The following GATAD2B variants were observed in gnomAD, a reference collection of about 807,000 sequenced individuals.
GATAD2B encodes transcriptional repressor p66-beta.
GATAD2B carries 8 observed loss-of-function variants against 64.3 expected under a neutral mutation model. The ratio of observed to expected loss-of-function variants is 0.12; its 90% CI spans 0.07 to 0.22. GATAD2B has a LOEUF of 0.22. Among genes scored for constraint, GATAD2B ranks in the 10% least tolerant of loss-of-function variants. The pLI, the probability that GATAD2B is intolerant of heterozygous loss-of-function variation, is 1.00. For synonymous variants in GATAD2B, 281 were observed against 271.3 expected (o/e 1.04, Z -0.35); for missense variants, 453 against 752.0 (o/e 0.60, Z 4.65).
chr1:153,901,756 G>A (rs1027356896), intron 1 of GATAD2B, among the ~76,000 whole-genome samples: 3 of 149,050 alleles, frequency 2.0e-5, no homozygotes, highest in African/African-American at 4.9e-5. Context: ...CCCAGGAGGT[G>A]GAGGCTGCAG....
intron 1 of GATAD2B, among the ~76,000 whole-genome samples, chr1:153,889,472 A>C (rs1012705066): frequency 6.6e-6 from 1 of 151,664 alleles, no homozygotes; most frequent in Non-Finnish European, 1.5e-5. Context: ...TATATTTATA[A>C]ATCACTCTGG....
In GATAD2B at chr1:153,839,664, G is replaced by C. The variant is rs369564490; in HGVS notation, c.-1-11316C>G. Reference sequence around the variant, plus strand: ...AGTCCTAGTATTTAACACATAAAAAGTAAGTTTAAAAAACTGTTTTGAAGG... The same window carrying C: ...AGTCCTAGTATTTAACACATAAAAACTAAGTTTAAAAAACTGTTTTGAAGG... On this transcript the variant is annotated intron_variant, in intron 1 of 10. Coordinates refer to ENST00000368655, the MANE Select transcript of GATAD2B (RefSeq NM_020699.4). 4.6e-5 allele frequency among the ~76,000 whole-genome samples: 7 copies of C among 152,232 alleles called. No individual in the cohort carries two copies. In the East Asian group the frequency reaches 1.4e-3, roughly 29 times the overall value.
chr1:153,847,952 C>G (rs553695132), intron 1 of GATAD2B, among the ~76,000 whole-genome samples: 1 of 152,324 alleles, frequency 6.6e-6, no homozygotes, highest in South Asian at 2.1e-4. Context: ...TTAGAATCAT[C>G]TGAGTAACTG....
In GATAD2B at chr1:153,818,780, G is replaced by A; in HGVS notation, c.597+11C>T. 2 of 1,612,050 alleles carry A rather than the reference G, an allele frequency of 1.2e-6. No homozygotes were observed. Among genetic ancestry groups the A allele is most frequent in the Non-Finnish European group, 1.7e-6 (2 of 1,179,562 alleles). ...CCTTTCCCTTAGTCCCTTATTTCTA[G>A]GGCACATTACCTTCTGGACCACATT... On this transcript the variant is annotated intron_variant, in intron 4 of 10. Transcript: ENST00000368655.
chr1:153,852,486 G>A (rs1284692813), intron 1 of GATAD2B: 3 of 760,956 alleles, frequency 3.9e-6, no homozygotes, highest in East Asian at 2.5e-5. Context: ...AAGAGTACGT[G>A]ACTCGATGTG....
At chr1:153,852,500 T>TG in intron 1 of GATAD2B, 1 of 764,562 alleles carries the variant, frequency 1.3e-6, no homozygotes, top group Non-Finnish European at 2.4e-6. Context: ...CGATGTGCTC[T>TG]GCACAGTGGG....
chr1:153,827,425 GA>G, intron 2 of GATAD2B: 1 of 152,840 alleles, frequency 6.5e-6, no homozygotes, highest in Non-Finnish European at 1.5e-5. Flanking sequence ...AAAGACACCA[GA>G]AAAAAAGGCC....
chr1:153,843,581 T>A (rs1675574138), intron 1 of GATAD2B, among the ~76,000 whole-genome samples: 1 of 152,076 alleles, frequency 6.6e-6, no homozygotes, highest in Admixed American at 6.6e-5. Flanking sequence ...AGCCTTCAAT[T>A]TTTTATATTT....
chr1:153,811,962 T>C (rs1674306858), intron 9 of GATAD2B, 60 bp downstream of exon 9: 1 of 1,308,816 alleles, frequency 7.6e-7, no homozygotes, highest in Non-Finnish European at 1.1e-6. Flanking sequence ...AAAGGACAAA[T>C]TGTGATAAAT....
chr1:153,845,670 A>T (rs1464834822), intron 1 of GATAD2B, among the ~76,000 whole-genome samples: 1 of 151,824 alleles, frequency 6.6e-6, no homozygotes, highest in Non-Finnish European at 1.5e-5. Flanking sequence ...GTGAGGTGGG[A>T]GGACTGCTTG....
intron 3 of GATAD2B, 72 bp from the exon 4 acceptor site, chr1:153,818,994 T>C: frequency 6.7e-7 from 1 of 1,487,128 alleles, no homozygotes; most frequent in Non-Finnish European, 9.2e-7. Context: ...AGACAATCTT[T>C]ACTTCTTAGC....
At chr1:153,857,901 G>A (rs1676148458) in intron 1 of GATAD2B, among the ~76,000 whole-genome samples, 1 of 152,160 alleles carries the variant, frequency 6.6e-6, no homozygotes, top group Non-Finnish European at 1.5e-5. Context: ...CATTGAAGAG[G>A]TCAAGTGAAG....
intron 1 of GATAD2B, among the ~76,000 whole-genome samples, chr1:153,845,754 T>C (rs956830685): frequency 6.6e-6 from 1 of 151,682 alleles, no homozygotes; most frequent in Non-Finnish European, 1.5e-5. Context: ...CAAGACTCTA[T>C]CTCAAAAAAA....
chr1:153,858,891 C>T (rs1445552922), intron 1 of GATAD2B, among the ~76,000 whole-genome samples: 1 of 151,784 alleles, frequency 6.6e-6, no homozygotes, highest in Admixed American at 6.6e-5. Context: ...TCAGGAAAGT[C>T]CTGTCAGAAA....
At chr1:153,917,917 A>G (rs542040602) in intron 1 of GATAD2B, among the ~76,000 whole-genome samples, 12 of 152,230 alleles carry the variant, frequency 7.9e-5, no homozygotes, top group Non-Finnish European at 1.8e-4. Context: ...AATTTTAAAG[A>G]AAGGAAGGAT....
intron 1 of GATAD2B, among the ~76,000 whole-genome samples, chr1:153,891,301 T>C (rs1438640910): frequency 6.9e-6 from 1 of 145,738 alleles, no homozygotes; most frequent in African/African-American, 2.5e-5. Context: ...GGAGTGGTGG[T>C]TCATGCCAGT....
In GATAD2B at chr1:153,914,464, G is replaced by A. The variant is rs537228642; in HGVS notation, c.-2+8269C>T. Among the ~76,000 whole-genome samples, 7 of 152,240 alleles carry A rather than the reference G, an allele frequency of 4.6e-5. No homozygotes were observed. The East Asian group carries it at 7.7e-4, about 17-fold the overall frequency. On this transcript the variant is annotated intron_variant, in intron 1 of 10. Coordinates refer to ENST00000368655, the MANE Select transcript of GATAD2B (RefSeq NM_020699.4). ...GTGACTCAACCAAGGTCACACAGAT[G>A]GTAAATGGCAGAACCAAGGCTCCAA...
At chr1:153,846,186 T>C (rs1675681741) in intron 1 of GATAD2B, among the ~76,000 whole-genome samples, 1 of 152,174 alleles carries the variant, frequency 6.6e-6, no homozygotes, top group African/African-American at 2.4e-5. Context: ...TATTTAGTTT[T>C]ATTTCTACCA....
At chr1:153,819,769 A>C in intron 2 of GATAD2B, 34 bp from the exon 3 acceptor site, 5 of 1,565,436 alleles carry the variant, frequency 3.2e-6, no homozygotes, top group Non-Finnish European at 4.3e-6. Flanking sequence ...AGCTATTTCC[A>C]ACAAAAGTTA....
Sources: allele counts gnomAD v4.1 joint callset (sites outside exome capture counted in the v4.1 genomes callset), GRCh38; gene constraint gnomAD v4.1.1; transcripts MANE v1.5; gene names NCBI Gene and HGNC (gene_info 2026-07-23, HGNC 2026-07-21).